NLGN1: variants seen among roughly 807,000 people sequenced by gnomAD.
NLGN1 encodes neuroligin-1.
NLGN1 carries 12 observed loss-of-function variants against 65.5 expected under a neutral mutation model. The ratio of observed to expected loss-of-function variants is 0.18; its 90% CI spans 0.12 to 0.30. The LOEUF (loss-of-function observed/expected upper bound fraction) is 0.30, where lower values mean the gene tolerates loss of function less well. Ranked by LOEUF, NLGN1 falls within the 10% of genes least tolerant of loss-of-function variation. NLGN1 has a pLI of 1.00. For missense variants in NLGN1, 750 were observed against 1,007.1 expected, an observed-to-expected ratio of 0.74 and a Z score of 3.46; for synonymous variants, 350 against 359.5, an observed-to-expected ratio of 0.97 and a Z score of 0.30.
chr3:173,615,764 A>C lies in NLGN1; in HGVS notation c.493+10673A>C, dbSNP rs532869092. On this transcript the variant is annotated intron_variant, in intron 3 of 6. Coordinates refer to ENST00000457714, the Ensembl canonical transcript of NLGN1. ...ATCTGTTTTTTTTTTTTTTTTTTAA[A>C]GCCTAAAGTGTACCTATACAAATCT... 1.9e-3 allele frequency among the ~76,000 whole-genome samples: 281 copies of C among 147,364 alleles called. 1 individual carries two copies. The highest frequency in any genetic ancestry group is 2.8e-3 in the Non-Finnish European group (191 of 67,088).
chr3:173,973,542 A>G (rs1386702592), intron 4 of NLGN1, among the ~76,000 whole-genome samples: 2 of 151,966 alleles, frequency 1.3e-5, no homozygotes, highest in African/African-American at 4.8e-5. Context: ...GAGGAATAAA[A>G]TTATGTGGTT....
chr3:173,539,887 TTA>T (rs199511590), intron 2 of NLGN1, among the ~76,000 whole-genome samples: 1,926 of 145,690 alleles, frequency 0.013, 35 homozygotes, highest in South Asian at 0.058. Context: ...TATATATATG[TTA>T]TATATATGTT....
intron 2 of NLGN1, among the ~76,000 whole-genome samples, chr3:173,579,902 T>C (rs539014156): frequency 6.6e-6 from 1 of 152,296 alleles, no homozygotes; most frequent in South Asian, 2.1e-4. Flanking sequence ...ACAATTCTGT[T>C]TTATTTTATT....
chr3:174,239,978 A>T (rs1742484457), intron 4 of NLGN1, among the ~76,000 whole-genome samples: 1 of 152,230 alleles, frequency 6.6e-6, no homozygotes, highest in African/African-American at 2.4e-5. Context: ...GGAACCCCAG[A>T]ATATAATTTT....
chr3:173,567,269 A>G (rs902441910), intron 2 of NLGN1, among the ~76,000 whole-genome samples: 1 of 152,156 alleles, frequency 6.6e-6, no homozygotes, highest in African/African-American at 2.4e-5. Flanking sequence ...CACCAAGTTC[A>G]AGAACCCTCA....
chr3:173,901,366 G>T lies in NLGN1; in HGVS notation c.646+93534G>T, dbSNP rs1224268137. On this transcript the variant is annotated intron_variant, in intron 4 of 6. Coordinates refer to ENST00000457714, the Ensembl canonical transcript of NLGN1. The stretch of plus-strand genomic sequence containing the variant: ...ATTTGAAAAACTAGTATTTTTTTTG[G>T]GGGGGTGTGTGTGTGTGTGTTTAAA... Among the ~76,000 whole-genome samples the T allele has an allele frequency of 2.1e-5, 3 of 140,078 alleles. 1 individual carries two copies. The highest frequency in any genetic ancestry group is 4.5e-5 in the Non-Finnish European group (3 of 66,316). 91.9% of individuals were successfully genotyped at this position (140,078 alleles called of 152,430 possible). A position where few individuals can be genotyped will look rare whatever the true frequency, so the allele number is the denominator to read the frequency against.
At chr3:173,548,705 T>G (rs1169350798) in intron 2 of NLGN1, among the ~76,000 whole-genome samples, 1 of 152,036 alleles carries the variant, frequency 6.6e-6, no homozygotes, top group Admixed American at 6.6e-5. Context: ...GTATTTAATA[T>G]TAGAATCTAG....
chr3:173,645,288 C>T lies in NLGN1; in HGVS notation c.493+40197C>T, dbSNP rs191419745. On this transcript the variant is annotated intron_variant, in intron 3 of 6. Coordinates refer to ENST00000457714, the Ensembl canonical transcript of NLGN1. ...GACTTTCCCTTGTCTCCTCTCCCCT[C>T]CCTCACAGACATGCATAGCTCCCTT... Among the ~76,000 whole-genome samples, 36 of 152,356 alleles carry T rather than the reference C, an allele frequency of 2.4e-4. No homozygotes were observed. In the Middle Eastern group the frequency reaches 0.014, roughly 58 times the overall value.
At chr3:174,133,014 T>C (rs1236176292) in intron 4 of NLGN1, among the ~76,000 whole-genome samples, 1 of 152,196 alleles carries the variant, frequency 6.6e-6, no homozygotes, top group African/African-American at 2.4e-5. Flanking sequence ...CAGCCTCTTC[T>C]AACCTACTGC....
chr3:174,173,238 A>T (rs1333894538), intron 4 of NLGN1, among the ~76,000 whole-genome samples: 2 of 152,020 alleles, frequency 1.3e-5, no homozygotes, highest in Non-Finnish European at 2.9e-5. Context: ...CAAATATGAG[A>T]TCATATCATC....
chr3:174,229,843 T>C (rs1740376660), intron 4 of NLGN1, among the ~76,000 whole-genome samples: 1 of 152,352 alleles, frequency 6.6e-6, no homozygotes, highest in South Asian at 2.1e-4. Context: ...CATAAGCCTC[T>C]TGCTTTTTAT....
intron 4 of NLGN1, among the ~76,000 whole-genome samples, chr3:174,242,463 G>A (rs114758263): frequency 2.0e-3 from 309 of 152,224 alleles, no homozygotes; most frequent in African/African-American, 7.1e-3. Flanking sequence ...AGCTTCAAAT[G>A]TATTTACAGC....
intron 3 of NLGN1, among the ~76,000 whole-genome samples, chr3:173,610,658 C>G (rs1752135960): frequency 6.6e-6 from 1 of 151,736 alleles, no homozygotes; most frequent in African/African-American, 2.4e-5. Flanking sequence ...GTAGGTAAAC[C>G]AAGATTTTTT....
At chr3:173,557,455 TAA>T (rs145142504) in intron 2 of NLGN1, among the ~76,000 whole-genome samples, 17 of 152,236 alleles carry the variant, frequency 1.1e-4, no homozygotes, top group Non-Finnish European at 2.1e-4. Flanking sequence ...TAATTATTTA[TAA>T]GATTGTGTTG....
intron 4 of NLGN1, among the ~76,000 whole-genome samples, chr3:174,054,321 A>C (rs1423635728): frequency 6.6e-6 from 1 of 152,090 alleles, no homozygotes; most frequent in East Asian, 1.9e-4. Context: ...ACATGCAAGT[A>C]ATTTTATTCA....
intron 2 of NLGN1, among the ~76,000 whole-genome samples, chr3:173,602,380 T>C (rs1750684912): frequency 6.6e-6 from 1 of 151,958 alleles, no homozygotes; most frequent in African/African-American, 2.4e-5. Context: ...TTTTGGGGGG[T>C]CAATACTATA....
At chr3:173,493,656 G>T (rs1368004004) in intron 2 of NLGN1, among the ~76,000 whole-genome samples, 2 of 151,788 alleles carry the variant, frequency 1.3e-5, no homozygotes, top group Non-Finnish European at 2.9e-5. Context: ...TATTACAGAT[G>T]AGAAAATTGA....
At chr3:173,474,852 G>A (rs755145880) in intron 2 of NLGN1, among the ~76,000 whole-genome samples, 1 of 152,080 alleles carries the variant, frequency 6.6e-6, no homozygotes. Flanking sequence ...TGGCTACTCA[G>A]GAGGCTGAGG....
intron 4 of NLGN1, among the ~76,000 whole-genome samples, chr3:174,195,336 TTGA>T (rs1733211148): frequency 6.6e-6 from 1 of 152,202 alleles, no homozygotes; most frequent in African/African-American, 2.4e-5. Context: ...AAAAATATGT[TTGA>T]TGATATTTCA....
Sources: allele counts gnomAD v4.1 joint callset (sites outside exome capture counted in the v4.1 genomes callset), GRCh38; gene constraint gnomAD v4.1.1; transcripts MANE v1.5; gene names NCBI Gene and HGNC (gene_info 2026-07-23, HGNC 2026-07-21).